Variants in PRIM1 observed in about 807,000 individuals in gnomAD.
PRIM1 encodes the protein DNA primase small subunit.
PRIM1 carries 38 observed loss-of-function variants against 60.2 expected under a neutral mutation model. The ratio of observed to expected loss-of-function variants is 0.63; its 90% confidence interval spans 0.49 to 0.83. PRIM1 has a LOEUF of 0.83. Ranked by LOEUF, PRIM1 falls within the 40% of genes least tolerant of loss-of-function variation. PRIM1 has a pLI of 0.00. For missense variants in PRIM1, 388 were observed against 506.2 expected, an observed-to-expected ratio of 0.77 and a Z score of 2.24; for synonymous variants, 158 against 160.2, an observed-to-expected ratio of 0.99 and a Z score of 0.10.
At chr12:56,734,643 G>A (rs1307060870) in intron 11 of PRIM1, among the ~76,000 whole-genome samples, 2 of 150,174 alleles carry the variant, frequency 1.3e-5, no homozygotes, top group Non-Finnish European at 3.0e-5. Context: ...TCCTGAGCTC[G>A]AGTGATCTCC....
intron 11 of PRIM1, among the ~76,000 whole-genome samples, chr12:56,737,086 G>A (rs1229897748): frequency 6.6e-6 from 1 of 151,618 alleles, no homozygotes; most frequent in Admixed American, 6.6e-5. Context: ...GAGCATTACC[G>A]CCTGAGCTCT....
rs565603377 is a variant in PRIM1, at chr12:56,735,860, A to G, written c.1145-1615T>C. Reference sequence around the variant, plus strand: ...AAGATGGGGTTTCGCCATGTTGGCCAGGCTGGTCTTGAACTCCTGACCTCA... The same window carrying G: ...AAGATGGGGTTTCGCCATGTTGGCCGGGCTGGTCTTGAACTCCTGACCTCA... On this transcript the variant is annotated intron_variant, in intron 11 of 12. Coordinates refer to ENST00000338193, the MANE Select transcript of PRIM1 (RefSeq NM_000946.3). Among the ~76,000 whole-genome samples, 416 of 150,936 alleles carry G rather than the reference A, an allele frequency of 2.8e-3. 2 individuals are homozygous for G. The highest frequency in any genetic ancestry group is 9.8e-3 in the African/African-American group (405 of 41,196).
At chr12:56,743,208 GAACTT>G (rs1336788420) in intron 6 of PRIM1, 112 bp from the exon 7 acceptor site, 15 of 1,250,708 alleles carry the variant, frequency 1.2e-5, no homozygotes, top group Admixed American at 4.0e-5. Flanking sequence ...GACATTTTCA[GAACTT>G]AACTAGGTAA....
At chr12:56,735,559 A>C (rs1450835251) in intron 11 of PRIM1, among the ~76,000 whole-genome samples, 1 of 151,996 alleles carries the variant, frequency 6.6e-6, no homozygotes, top group Non-Finnish European at 1.5e-5. Context: ...ACAGCTGGCT[A>C]ATTTTTTATT....
chr12:56,742,904 C>T lies in PRIM1; in HGVS notation c.748+83G>A, dbSNP rs147244458. 8.7e-6 allele frequency: 9 copies of T among 1,039,420 alleles called. No individual in the cohort carries two copies. In the African/African-American group the frequency reaches 1.4e-4, roughly 16 times the overall value. 64.4% of individuals were successfully genotyped at this position (1,039,420 alleles called of 1,614,324 possible). A position where few individuals can be genotyped will look rare whatever the true frequency, so the allele number is the denominator to read the frequency against. ...GATTAAACTTATAAGTATATGAGAA[C>T]TTACAAGCAGACATGTCTAACATTT... On this transcript the variant is annotated intron_variant, in intron 7 of 12. Transcript: ENST00000338193.
intron 2 of PRIM1, among the ~76,000 whole-genome samples, chr12:56,749,968 G>A (rs910596142): frequency 3.9e-5 from 6 of 152,152 alleles, no homozygotes; most frequent in Admixed American, 1.3e-4. Context: ...GTGGCAGGGG[G>A]TGGGAGGAGT....
chr12:56,752,219 T>C lies in PRIM1; in HGVS notation c.80A>G (p.Tyr27Cys), dbSNP rs764663169. ...ACCTCCACCGTAGTTGAGCCAGCGA[T>C]AGTACTGAGAGTAGGGAAAGAGCCT... is the stretch of plus-strand genomic sequence containing the variant. ...YRRLFPYSQYYRWLNYGGVIK... is the reference protein window; with the variant it reads ...YRRLFPYSQYCRWLNYGGVIK... Residue 27 changes from tyrosine (Y) to cysteine (C), a missense_variant, in exon 1 of 13, where the codon TAT becomes TGT. By Grantham distance (194) the Tyr-to-Cys change is radical. Transcript: ENST00000338193. The C allele has an allele frequency of 1.7e-5, 28 of 1,601,706 alleles. No individual in the cohort carries two copies. The highest frequency in any genetic ancestry group is 2.2e-5 in the Non-Finnish European group (26 of 1,174,030).
chr12:56,736,781 G>A (rs1471888391), intron 11 of PRIM1, among the ~76,000 whole-genome samples: 2 of 152,010 alleles, frequency 1.3e-5, no homozygotes, highest in African/African-American at 4.8e-5. Flanking sequence ...TGGGATTACA[G>A]GCGTGAGCTA....
chr12:56,747,115 T>C (rs1334658347), intron 2 of PRIM1, 83 bp from the exon 3 acceptor site: 5 of 1,176,238 alleles, frequency 4.3e-6, no homozygotes, highest in African/African-American at 1.5e-5. Context: ...ATGGAAAAAG[T>C]TGCCAAACAG....
Position 56,744,112 on chromosome 12 carries a change from G to A in PRIM1, c.591C>T (p.Asp197=), listed in dbSNP as rs777645821. The A allele has an allele frequency of 1.5e-5, 23 of 1,562,922 alleles. No homozygotes were observed. Among genetic ancestry groups the A allele is most frequent in the African/African-American group, 2.7e-5 (2 of 73,748 alleles). Residue 197 remains aspartate, a synonymous_variant, in exon 6 of 13, where the codon GAC becomes GAT. Coordinates refer to ENST00000338193, the MANE Select transcript of PRIM1 (RefSeq NM_000946.3). The stretch of plus-strand genomic sequence containing the variant: ...CACTTAGGTGAACTTTCTTTTTAAC[G>A]TCTTGACCACCCTGAAAAATAAATC... ...EYLSLVKGGQ[D]VKKKVHLSEK...
intron 11 of PRIM1, 134 bp downstream of exon 11, chr12:56,738,300 A>G: frequency 7.9e-7 from 1 of 1,259,114 alleles, no homozygotes; most frequent in South Asian, 1.6e-5. Flanking sequence ...AAGAAAGGAC[A>G]CAAACATTGT....
intron 11 of PRIM1, among the ~76,000 whole-genome samples, chr12:56,735,993 T>C (rs1312470938): frequency 6.6e-6 from 1 of 151,750 alleles, no homozygotes; most frequent in African/African-American, 2.4e-5. Flanking sequence ...TTAAAAAATG[T>C]ATACAACAAA....
intron 12 of PRIM1, among the ~76,000 whole-genome samples, chr12:56,733,132 G>A (rs1020570684): frequency 1.3e-5 from 2 of 150,588 alleles, no homozygotes; most frequent in Non-Finnish European, 2.9e-5. Flanking sequence ...TAGGATTACA[G>A]GTGTGAGCCA....
At chr12:56,737,604 C>T (rs921954738) in intron 11 of PRIM1, among the ~76,000 whole-genome samples, 1 of 152,170 alleles carries the variant, frequency 6.6e-6, no homozygotes, top group African/African-American at 2.4e-5. Flanking sequence ...CCACCTGGGC[C>T]TCCCAAAGTG....
intron 2 of PRIM1, among the ~76,000 whole-genome samples, chr12:56,747,974 A>C (rs575545366): frequency 6.6e-6 from 1 of 152,234 alleles, no homozygotes; most frequent in South Asian, 2.1e-4. Flanking sequence ...GATGAAAAAC[A>C]GGAAGATTTT....
chr12:56,751,527 C>G lies in PRIM1; in HGVS notation c.104-332G>C, dbSNP rs541447932. 7.9e-4 allele frequency: 133 copies of G among 167,752 alleles called. 1 individual carries two copies. The highest frequency in any genetic ancestry group is 2.8e-3 in the Middle Eastern group (1 of 362). The allele number at this position is 167,752 out of a possible 1,614,324, so 10.4% of individuals were successfully genotyped here. A position where few individuals can be genotyped will look rare whatever the true frequency, so the allele number is the denominator to read the frequency against. The stretch of plus-strand genomic sequence containing the variant: ...TCTCGAATTCCTGACCTCAGGTAAT[C>G]CGTCCTCCTCGGCTTTCCAAAGTGC... On this transcript the variant is annotated intron_variant, in intron 1 of 12. Coordinates refer to ENST00000338193, the MANE Select transcript of PRIM1 (RefSeq NM_000946.3).
At chr12:56,743,958 T>A in intron 6 of PRIM1, 107 bp downstream of exon 6, 2 of 731,486 alleles carry the variant, frequency 2.7e-6, no homozygotes, top group Non-Finnish European at 4.5e-6. Context: ...ATAGCTATTA[T>A]TATTATAAAA....
chr12:56,736,572 C>T (rs1364807695), intron 11 of PRIM1, among the ~76,000 whole-genome samples: 1 of 150,838 alleles, frequency 6.6e-6, no homozygotes, highest in Admixed American at 6.6e-5. Context: ...GGCGCAACTT[C>T]AGCTCCCTGC....
At chr12:56,749,255 C>T (rs1953929605) in intron 2 of PRIM1, among the ~76,000 whole-genome samples, 1 of 152,118 alleles carries the variant, frequency 6.6e-6, no homozygotes. Flanking sequence ...GTTATCTGCT[C>T]GCCTCAGCCT....
Sources: gnomAD v4.1 joint callset for allele counts (sites outside exome capture counted in the v4.1 genomes callset) on GRCh38, gnomAD v4.1.1 for gene constraint, MANE v1.5 for transcripts, NCBI Gene and HGNC (gene_info 2026-07-23, HGNC 2026-07-21) for gene names.